LARGE1: variants seen among roughly 807,000 people sequenced by gnomAD.
The protein encoded by LARGE1 is LARGE xylosyl- and glucuronyltransferase 1, also known as xylosyl- and glucuronyltransferase LARGE1.
LARGE1 carries 43 observed loss-of-function variants against 87.6 expected under a neutral mutation model. That is an observed-to-expected ratio of 0.49 (90% CI 0.38 to 0.63). The LOEUF is 0.63. LARGE1 is among the 30% of genes least tolerant of loss of function. LARGE1 has a pLI of 0.00. For missense variants in LARGE1, 802 were observed against 1,000.2 expected (o/e 0.80, Z 2.67); for synonymous variants, 434 against 394.6 (o/e 1.10, Z -1.18).
rs577859439 is a variant in LARGE1, at chr22:33,535,211, G to A, written c.787+29637C>T. 7.9e-5 allele frequency among the ~76,000 whole-genome samples: 12 copies of A among 152,304 alleles called. No individual in the cohort carries two copies. In the South Asian group the frequency reaches 2.1e-3, roughly 26 times the overall value. ...ACCCTATCTGTGCACAATGAAGTGC[G>A]TGTGTCCGGAGCCACGCTGATGCTG... On this transcript the variant is annotated intron_variant, in intron 6 of 14. Coordinates refer to ENST00000397394, the MANE Select transcript of LARGE1 (RefSeq NM_133642.5).
chr22:33,335,112 AG>A (rs1200493551), intron 10 of LARGE1, among the ~76,000 whole-genome samples: 2 of 152,124 alleles, frequency 1.3e-5, no homozygotes, highest in Admixed American at 6.5e-5. Flanking sequence ...TTCTCCATGG[AG>A]GGGGGAAATA....
intron 13 of LARGE1, among the ~76,000 whole-genome samples, chr22:33,279,528 G>T (rs1930027135): frequency 6.6e-6 from 1 of 152,206 alleles, no homozygotes; most frequent in Non-Finnish European, 1.5e-5. Context: ...CAGTGCAGCT[G>T]AATGGGCACT....
At chr22:33,179,768 G>A (rs1464812081) in intron 11 of LARGE1, among the ~76,000 whole-genome samples, 1 of 152,032 alleles carries the variant, frequency 6.6e-6, no homozygotes, top group Non-Finnish European at 1.5e-5. Context: ...GGAAAGGGTG[G>A]GCAGGTTCAA....
intron 6 of LARGE1, among the ~76,000 whole-genome samples, chr22:33,474,411 C>T (rs923823156): frequency 6.6e-6 from 1 of 152,204 alleles, no homozygotes; most frequent in African/African-American, 2.4e-5. Flanking sequence ...GATCCACCTG[C>T]CTCGGCCTCC....
intron 6 of LARGE1, among the ~76,000 whole-genome samples, chr22:33,487,248 C>T (rs749219066): frequency 2.0e-5 from 3 of 152,196 alleles, no homozygotes; most frequent in Non-Finnish European, 2.9e-5. Flanking sequence ...TTCAGGCAAT[C>T]GGGATAAAGA....
chr22:33,816,568 T>G (rs2086652216), intron 1 of LARGE1, among the ~76,000 whole-genome samples: 1 of 152,096 alleles, frequency 6.6e-6, no homozygotes, highest in African/African-American at 2.4e-5. Context: ...CACAGCAGGT[T>G]AGATTTCAGC....
At chr22:33,796,940 T>A (rs1453670467) in intron 1 of LARGE1, among the ~76,000 whole-genome samples, 1 of 151,986 alleles carries the variant, frequency 6.6e-6, no homozygotes, top group Non-Finnish European at 1.5e-5. Context: ...AATTTTTGCA[T>A]TGTTAGTAGA....
chr22:33,677,288 TAAAA>T (rs779032764), intron 2 of LARGE1, among the ~76,000 whole-genome samples: 3 of 110,142 alleles, frequency 2.7e-5, no homozygotes, highest in Admixed American at 1.0e-4. Context: ...TTTCAGGAGT[TAAAA>T]AAAAAAAAAA....
At chr22:33,089,449 T>C in the LARGE1 span, among the ~76,000 whole-genome samples, 10 of 130,538 alleles carry the variant, frequency 7.7e-5, 1 homozygote, top group African/African-American at 3.0e-4. Flanking sequence ...CTTCCTCTTC[T>C]TCTTCCTCCT....
chr22:33,109,562 G>T, the LARGE1 span, among the ~76,000 whole-genome samples: 1 of 152,102 alleles, frequency 6.6e-6, no homozygotes, highest in East Asian at 1.9e-4. Flanking sequence ...ACCTTTATTT[G>T]CTTATTGCTA....
At chr22:33,620,932 A>AC (rs1337220261) in intron 4 of LARGE1, among the ~76,000 whole-genome samples, 2 of 151,614 alleles carry the variant, frequency 1.3e-5, no homozygotes, top group Non-Finnish European at 2.9e-5. Context: ...TGTCTCAAAA[A>AC]AAACAAGATT....
At chr22:33,433,114 C>G (rs938845030) in intron 6 of LARGE1, among the ~76,000 whole-genome samples, 1 of 152,166 alleles carries the variant, frequency 6.6e-6, no homozygotes, top group Non-Finnish European at 1.5e-5. Flanking sequence ...CAATTATTAC[C>G]AATACCATTT....
At chr22:33,149,691 T>A in the LARGE1 span, among the ~76,000 whole-genome samples, 22 of 152,332 alleles carry the variant, frequency 1.4e-4, no homozygotes, top group African/African-American at 4.8e-4. Context: ...TGGGCTCTTA[T>A]TGGGAGTTTC....
chr22:33,384,622 T>C (rs2065264074), intron 7 of LARGE1, among the ~76,000 whole-genome samples: 1 of 148,340 alleles, frequency 6.7e-6, no homozygotes, highest in African/African-American at 2.4e-5. Flanking sequence ...CAAAGGACTG[T>C]TGGAAGGAGT....
intron 3 of LARGE1, among the ~76,000 whole-genome samples, chr22:33,649,779 G>C (rs760510546): frequency 2.0e-5 from 3 of 152,198 alleles, no homozygotes; most frequent in Non-Finnish European, 2.9e-5. Context: ...CGTGGATGCA[G>C]GTATTTGAGG....
chr22:33,324,482 G>A (rs1188518958), intron 10 of LARGE1, among the ~76,000 whole-genome samples: 1 of 152,030 alleles, frequency 6.6e-6, no homozygotes, highest in African/African-American at 2.4e-5. Flanking sequence ...GACAAGGGAG[G>A]CACAGAAACA....
At chr22:33,175,517 AAGC>A in intron 11 of LARGE1, among the ~76,000 whole-genome samples, 1 of 152,170 alleles carries the variant, frequency 6.6e-6, no homozygotes, top group Non-Finnish European at 1.5e-5. Flanking sequence ...AATAGCAGAC[AAGC>A]AGAGAGCCAA....
chr22:33,889,443 T>C (rs2064947628), intron 1 of LARGE1, among the ~76,000 whole-genome samples: 1 of 152,218 alleles, frequency 6.6e-6, no homozygotes, highest in Non-Finnish European at 1.5e-5. Flanking sequence ...ATTCTGGAGC[T>C]GGAATAATAC....
intron 6 of LARGE1, among the ~76,000 whole-genome samples, chr22:33,469,031 A>T (rs1288268758): frequency 2.6e-5 from 4 of 152,234 alleles, no homozygotes. Context: ...AAAAGTAAAA[A>T]AATAACAGAT....
Sources: gnomAD v4.1 joint callset for allele counts (sites outside exome capture counted in the v4.1 genomes callset) on GRCh38, gnomAD v4.1.1 for gene constraint, MANE v1.5 for transcripts, NCBI Gene and HGNC (gene_info 2026-07-23, HGNC 2026-07-21) for gene names.